The following CLSTN2 variants were observed in gnomAD, a reference collection of about 807,000 sequenced individuals.
The protein encoded by CLSTN2 is calsyntenin-2.
In CLSTN2, 48 loss-of-function variants were observed where a neutral mutation model predicts 101.2. The observed-to-expected ratio is 0.47, with a 90% confidence interval of 0.38 to 0.60. The LOEUF (loss-of-function observed/expected upper bound fraction) is 0.60. Among genes scored for constraint, CLSTN2 ranks in the 20% least tolerant of loss-of-function variants. The pLI, the probability that CLSTN2 is intolerant of heterozygous loss-of-function variation, is 0.00. For missense variants in CLSTN2, 1,160 were observed against 1,238.2 expected, an observed-to-expected ratio of 0.94 and a Z score of 0.95; for synonymous variants, 481 against 463.6, an observed-to-expected ratio of 1.04 and a Z score of -0.48.
chr3:139,995,317 G>T (rs1936183986), intron 1 of CLSTN2, among the ~76,000 whole-genome samples: 2 of 152,136 alleles, frequency 1.3e-5, no homozygotes, highest in South Asian at 2.1e-4. Flanking sequence ...ACACCTCACA[G>T]CATAGCATAT....
At position 140,205,628 on chromosome 3, in the gene CLSTN2, CACA is replaced by C. The variant is rs1400402000; in HGVS notation, c.232+29556_232+29558del. On this transcript the variant is annotated intron_variant, in intron 2 of 16. Coordinates refer to ENST00000458420, the MANE Select transcript of CLSTN2 (RefSeq NM_022131.3). ...GTTTGGACCTGACCCGCCCCCCACC[CACA>C]CACACACACAGCCACCTGCTATGCA... 1.2e-4 allele frequency among the ~76,000 whole-genome samples: 13 copies of C among 113,006 alleles called. 1 individual carries two copies. Among genetic ancestry groups the C allele is most frequent in the African/African-American group, 3.8e-4 (13 of 33,852 alleles). 74.1% of individuals were successfully genotyped at this position (113,006 alleles called of 152,430 possible).
At chr3:140,336,063 A>G (rs927804642) in intron 2 of CLSTN2, among the ~76,000 whole-genome samples, 2 of 152,152 alleles carry the variant, frequency 1.3e-5, no homozygotes, top group African/African-American at 2.4e-5. Flanking sequence ...AACTAGGATG[A>G]AGGAGCCGAT....
chr3:140,352,762 G>A (rs536036655), intron 2 of CLSTN2, among the ~76,000 whole-genome samples: 2 of 151,918 alleles, frequency 1.3e-5, no homozygotes, highest in South Asian at 4.2e-4. Context: ...CTAACTGTTG[G>A]GGCCTGTTAT....
At chr3:140,275,163 G>A (rs1481382127) in intron 2 of CLSTN2, among the ~76,000 whole-genome samples, 3 of 152,158 alleles carry the variant, frequency 2.0e-5, no homozygotes, top group Non-Finnish European at 4.4e-5. Flanking sequence ...GATATCCCCT[G>A]CAGGACCAGG....
At chr3:140,195,695 T>C (rs1166030966) in intron 2 of CLSTN2, among the ~76,000 whole-genome samples, 1 of 152,200 alleles carries the variant, frequency 6.6e-6, no homozygotes, top group East Asian at 1.9e-4. Flanking sequence ...TAAAGCATCA[T>C]GTAGAAAAAG....
intron 1 of CLSTN2, among the ~76,000 whole-genome samples, chr3:139,994,961 T>C (rs995820603): frequency 2.0e-5 from 3 of 152,234 alleles, no homozygotes; most frequent in Admixed American, 1.3e-4. Flanking sequence ...CCCAAAAGAC[T>C]TTGGCTTTAA....
At chr3:140,077,526 C>T (rs2008512442) in intron 1 of CLSTN2, among the ~76,000 whole-genome samples, 2 of 152,270 alleles carry the variant, frequency 1.3e-5, no homozygotes, top group South Asian at 4.1e-4. Context: ...TGGTACCACA[C>T]ATATGTCTGC....
At chr3:140,063,766 C>G (rs994318880) in intron 1 of CLSTN2, among the ~76,000 whole-genome samples, 1 of 152,118 alleles carries the variant, frequency 6.6e-6, no homozygotes, top group Non-Finnish European at 1.5e-5. Context: ...CATCTTGCAC[C>G]TTGAGCCCTG....
chr3:140,143,823 C>T (rs947163693), intron 1 of CLSTN2, among the ~76,000 whole-genome samples: 13 of 152,220 alleles, frequency 8.5e-5, no homozygotes, highest in African/African-American at 3.1e-4. Flanking sequence ...CTTTCCTAAC[C>T]AGGGAAGGCG....
At chr3:140,410,095 T>C (rs936003648) in intron 4 of CLSTN2, among the ~76,000 whole-genome samples, 1 of 152,064 alleles carries the variant, frequency 6.6e-6, no homozygotes, top group African/African-American at 2.4e-5. Flanking sequence ...TTGGGGGTAT[T>C]TATATGGCTA....
At chr3:139,993,583 A>G (rs1936152230) in intron 1 of CLSTN2, among the ~76,000 whole-genome samples, 1 of 152,168 alleles carries the variant, frequency 6.6e-6, no homozygotes, top group Non-Finnish European at 1.5e-5. Context: ...CTCAAACAGT[A>G]TATCTCACCC....
intron 2 of CLSTN2, 107 bp from the exon 3 acceptor site, chr3:140,403,522 A>G (rs2088267323): frequency 4.3e-6 from 4 of 939,476 alleles, no homozygotes; most frequent in African/African-American, 3.3e-5. Flanking sequence ...TGTGCGTGGA[A>G]GAAATTGCAT....
intron 2 of CLSTN2, among the ~76,000 whole-genome samples, chr3:140,199,256 T>A (rs2010688383): frequency 6.6e-6 from 1 of 152,182 alleles, no homozygotes; most frequent in South Asian, 2.1e-4. Context: ...TAGGGCTCTT[T>A]TGAGGGGGAA....
At chr3:140,439,724 AACAC>A (rs149819286) in intron 5 of CLSTN2, among the ~76,000 whole-genome samples, 1 of 148,198 alleles carries the variant, frequency 6.7e-6, no homozygotes, top group Non-Finnish European at 1.5e-5. Flanking sequence ...TGCACATGCA[AACAC>A]ACACACGTGC....
intron 2 of CLSTN2, among the ~76,000 whole-genome samples, chr3:140,376,462 T>G (rs1185183791): frequency 6.6e-6 from 1 of 152,210 alleles, no homozygotes; most frequent in African/African-American, 2.4e-5. Context: ...CTGCCAAAGA[T>G]TCCCCTCCTT....
intron 2 of CLSTN2, among the ~76,000 whole-genome samples, chr3:140,363,910 A>G (rs989542221): frequency 1.3e-5 from 2 of 152,074 alleles, no homozygotes; most frequent in African/African-American, 4.8e-5. Context: ...GAGGCAGGAA[A>G]CCCTGACTGG....
intron 1 of CLSTN2, among the ~76,000 whole-genome samples, chr3:140,013,754 A>G (rs546856596): frequency 8.7e-4 from 132 of 152,322 alleles, no homozygotes; most frequent in African/African-American, 3.1e-3. Context: ...AAGATGCTGT[A>G]GAAATGTACT....
At chr3:139,952,193 G>A (rs1935306539) in intron 1 of CLSTN2, among the ~76,000 whole-genome samples, 1 of 152,168 alleles carries the variant, frequency 6.6e-6, no homozygotes, top group South Asian at 2.1e-4. Flanking sequence ...TAACTTCAGG[G>A]CACTAAGGGA....
chr3:140,556,316 C>T (rs542756423), intron 10 of CLSTN2, among the ~76,000 whole-genome samples, 197 bp from the exon 11 acceptor site: 5 of 152,192 alleles, frequency 3.3e-5, no homozygotes, highest in South Asian at 4.2e-4. Flanking sequence ...AGGAAAGGGC[C>T]GCAAAGCCCA....
Sources: gnomAD v4.1 joint callset for allele counts (sites outside exome capture counted in the v4.1 genomes callset) on GRCh38, gnomAD v4.1.1 for gene constraint, MANE v1.5 for transcripts, NCBI Gene and HGNC (gene_info 2026-07-23, HGNC 2026-07-21) for gene names.